ELL: variants seen among roughly 807,000 people sequenced by gnomAD.
ELL encodes elongation factor for RNA polymerase II, also known as RNA polymerase II elongation factor ELL.
Under a neutral mutation model 64.0 loss-of-function variants are expected in ELL, and 18 were observed. That is an observed-to-expected ratio of 0.28 (90% confidence interval 0.19 to 0.42). ELL has a LOEUF of 0.42. ELL is among the 10% of genes least tolerant of loss of function. ELL has a pLI of 1.00. For synonymous variants in ELL, 399 were observed against 376.2 expected (o/e 1.06, Z -0.70); for missense variants, 797 against 870.4 (o/e 0.92, Z 1.06).
At chr19:18,472,917 G>A (rs1166814339) in intron 1 of ELL, 35 bp from the exon 2 acceptor site, 6 of 1,535,780 alleles carry the variant, frequency 3.9e-6, no homozygotes, top group South Asian at 1.2e-5. Context: ...AAAGGTGAGG[G>A]GAACATCAAT....
At chr19:18,505,274 A>G (rs911456289) in intron 1 of ELL, among the ~76,000 whole-genome samples, 2 of 152,004 alleles carry the variant, frequency 1.3e-5, no homozygotes, top group African/African-American at 4.8e-5. Context: ...TGCAATCCCA[A>G]CTAGTTAGGC....
Position 18,465,462 on chromosome 19 carries a change from T to C in ELL, c.419A>G (p.Glu140Gly). Reference sequence around the variant, plus strand: ...GACAATGGCACTTCGGCTCCGCGTCTCCTCCTCCGCCTGGGCCATGCTCTG... The same window carrying C: ...GACAATGGCACTTCGGCTCCGCGTCCCCTCCTCCGCCTGGGCCATGCTCTG... ...ARQSMAQAEEETRSRSAIVIK... is the reference protein window; with the variant it reads ...ARQSMAQAEEGTRSRSAIVIK... Residue 140 changes from glutamate (E) to glycine (G), a missense_variant, in exon 4 of 12, where the codon GAG becomes GGG. Physicochemically the swap from Glu to Gly is moderately conservative, Grantham distance 98. Transcript: ENST00000262809. The C allele has an allele frequency of 6.2e-7, 1 of 1,612,272 alleles. No individual in the cohort carries two copies.
Position 18,444,621 on chromosome 19 carries a change from G to T in ELL, c.*131C>A. 1 of 1,009,124 alleles carries T rather than the reference G, an allele frequency of 9.9e-7. No homozygotes were observed. The highest frequency in any genetic ancestry group is 1.4e-6 in the Non-Finnish European group (1 of 699,920). 62.5% of individuals were successfully genotyped at this position (1,009,124 alleles called of 1,614,324 possible). On this transcript the variant is annotated 3_prime_UTR_variant, in exon 12 of 12. Transcript: ENST00000262809. ...CACCCGCCAGGGCCAGACGTCTGCAGGGGCTGCCCTGAAAGCCGGCGGTGC... is the reference window on the plus strand; with the variant it reads ...CACCCGCCAGGGCCAGACGTCTGCATGGGCTGCCCTGAAAGCCGGCGGTGC...
intron 1 of ELL, among the ~76,000 whole-genome samples, chr19:18,479,223 T>C (rs1007655878): frequency 4.6e-5 from 7 of 152,212 alleles, no homozygotes; most frequent in African/African-American, 1.4e-4. Context: ...GGGATGCTGC[T>C]CAGCACACTG....
At chr19:18,502,148 G>T (rs1975791882) in intron 1 of ELL, among the ~76,000 whole-genome samples, 1 of 152,152 alleles carries the variant, frequency 6.6e-6, no homozygotes, top group Non-Finnish European at 1.5e-5. Flanking sequence ...GCTCCACGGG[G>T]CAGGAGCACC....
At chr19:18,455,191 A>AATTAG (rs1974637173) in intron 6 of ELL, among the ~76,000 whole-genome samples, 1 of 151,568 alleles carries the variant, frequency 6.6e-6, no homozygotes, top group African/African-American at 2.4e-5. Context: ...CTTTCCATTA[A>AATTAG]ATAAGAACAT....
intron 10 of ELL, among the ~76,000 whole-genome samples, chr19:18,445,940 G>A (rs1232792289): frequency 2.0e-5 from 3 of 152,060 alleles, no homozygotes; most frequent in African/African-American, 7.3e-5. Context: ...GAGCTCAGCT[G>A]CGGAGTCTCC....
rs1974362057 is a variant in ELL, at chr19:18,444,287, C to T, written c.*465G>A. The stretch of plus-strand genomic sequence containing the variant: ...TCGACGACCTCTGTAATACTGCAGG[C>T]AGGACCCAGGGCAGCGGCTAGACCC... On this transcript the variant is annotated 3_prime_UTR_variant, in exon 12 of 12. Coordinates refer to ENST00000262809, the MANE Select transcript of ELL (RefSeq NM_006532.4). 8.5e-6 allele frequency: 2 copies of T among 236,378 alleles called. No individual in the cohort carries two copies. Among genetic ancestry groups the T allele is most frequent in the Admixed American group, 1.1e-4 (2 of 18,638 alleles). The allele number at this position is 236,378 out of a possible 1,614,324, so 14.6% of individuals were successfully genotyped here.
intron 1 of ELL, among the ~76,000 whole-genome samples, chr19:18,485,036 G>A (rs1333539532): frequency 6.6e-6 from 1 of 152,200 alleles, no homozygotes; most frequent in Non-Finnish European, 1.5e-5. Context: ...CGTTTCTGAG[G>A]TGAATGAGAA....
Position 18,465,900 on chromosome 19 carries a change from G to C in ELL, c.202C>G (p.Pro68Ala). ...GSQGHISIPQPDCPAEARTFS... is the reference protein window; with the variant it reads ...GSQGHISIPQADCPAEARTFS... ...GTCCGCGCCTCTGCGGGGCAGTCAG[G>C]CTGGGGGATGGAGATGTGCTGCGTG... The change falls in exon 3 of 12, where the codon CCT becomes GCT. Residue 68 changes from proline to alanine, a missense_variant. Transcript: ENST00000262809. 7.5e-7 allele frequency: 1 copy of C among 1,325,406 alleles called. No individual in the cohort carries two copies. Among genetic ancestry groups the C allele is most frequent in the Non-Finnish European group, 9.7e-7 (1 of 1,029,346 alleles). 82.1% of individuals were successfully genotyped at this position (1,325,406 alleles called of 1,614,324 possible).
At chr19:18,507,357 C>A (rs1037644827) in intron 1 of ELL, among the ~76,000 whole-genome samples, 1 of 152,270 alleles carries the variant, frequency 6.6e-6, no homozygotes, top group Non-Finnish European at 1.5e-5. Context: ...CAGAGCCTGG[C>A]CACAGACCCA....
intron 1 of ELL, among the ~76,000 whole-genome samples, chr19:18,518,923 CT>C (rs1268998448): frequency 8.5e-5 from 13 of 152,142 alleles, no homozygotes; most frequent in African/African-American, 3.1e-4. Flanking sequence ...CCAGAGCCCT[CT>C]GGGGAGAGAA....
At position 18,443,694 on chromosome 19, in the gene ELL, G is replaced by C. The variant is rs910279265; in HGVS notation, c.*1058C>G. 1 of 233,158 alleles carries C rather than the reference G, an allele frequency of 4.3e-6. No individual in the cohort carries two copies. 14.4% of individuals were successfully genotyped at this position (233,158 alleles called of 1,614,324 possible). A position where few individuals can be genotyped will look rare whatever the true frequency, so the allele number is the denominator to read the frequency against. ...GGTGTCTGCAGAGCCTGCACCCCCA[G>C]AGCAGGCAGACCCATCCTCCTGGCT... On this transcript the variant is annotated 3_prime_UTR_variant, in exon 12 of 12. Transcript: ENST00000262809.
At chr19:18,472,555 G>A (rs917592582) in intron 2 of ELL, 18 of 446,076 alleles carry the variant, frequency 4.0e-5, no homozygotes, top group Middle Eastern at 5.8e-4. Flanking sequence ...GGGGGCCCCT[G>A]CCCTATCAGA....
intron 8 of ELL, among the ~76,000 whole-genome samples, chr19:18,447,152 A>G (rs1974433830): frequency 6.6e-6 from 1 of 152,232 alleles, no homozygotes; most frequent in Non-Finnish European, 1.5e-5. Flanking sequence ...GCAGGGCCAA[A>G]GCCTGCACAA....
intron 2 of ELL, among the ~76,000 whole-genome samples, chr19:18,466,656 G>A (rs1371112145): frequency 6.6e-6 from 1 of 152,218 alleles, no homozygotes; most frequent in African/African-American, 2.4e-5. Flanking sequence ...GTGCAGGGCG[G>A]CATCACATCA....
chr19:18,464,947 T>C (rs1487733900), intron 4 of ELL, among the ~76,000 whole-genome samples: 4 of 152,244 alleles, frequency 2.6e-5, no homozygotes, highest in African/African-American at 7.2e-5. Flanking sequence ...TTCCTGCCTG[T>C]TGCCGGCTGT....
intron 1 of ELL, 36 bp downstream of exon 1, chr19:18,521,885 G>A: frequency 1.9e-6 from 3 of 1,548,046 alleles, no homozygotes; most frequent in African/African-American, 1.4e-5. Context: ...GCGTCCGGAC[G>A]TTCCCCACTG....
chr19:18,495,592 G>A lies in ELL; in HGVS notation c.136-22710C>T, dbSNP rs867644949. Among the ~76,000 whole-genome samples, 5 of 152,208 alleles carry A rather than the reference G, an allele frequency of 3.3e-5. No individual in the cohort carries two copies. In the South Asian group the frequency reaches 1.0e-3, roughly 31 times the overall value. ...CTCCCACTGCAGCTGAAGGAGGAGGGCCGAGAGCCTGCGGAGACAGGGCTG... is the reference window on the plus strand; with the variant it reads ...CTCCCACTGCAGCTGAAGGAGGAGGACCGAGAGCCTGCGGAGACAGGGCTG... On this transcript the variant is annotated intron_variant, in intron 1 of 11. Transcript: ENST00000262809.
Sources: gnomAD v4.1 joint callset for allele counts (sites outside exome capture counted in the v4.1 genomes callset) on GRCh38, gnomAD v4.1.1 for gene constraint, MANE v1.5 for transcripts, NCBI Gene and HGNC (gene_info 2026-07-23, HGNC 2026-07-21) for gene names.